PHIP: variants seen among roughly 807,000 people sequenced by gnomAD.
The protein encoded by PHIP is PH-interacting protein.
In PHIP, 54 loss-of-function variants were observed where a neutral mutation model predicts 236.8. The observed-to-expected ratio is 0.23, with a 90% CI of 0.18 to 0.29. The LOEUF (loss-of-function observed/expected upper bound fraction) is 0.29, where lower values mean the gene tolerates loss of function less well. PHIP is among the 10% of genes least tolerant of loss of function. PHIP has a pLI of 1.00. For synonymous variants in PHIP, 756 were observed against 718.9 expected, an observed-to-expected ratio of 1.05 and a Z score of -0.83; for missense variants, 1,370 against 2,190.8, an observed-to-expected ratio of 0.63 and a Z score of 7.48.
chr6:78,993,059 C>T (rs913573435), intron 19 of PHIP, among the ~76,000 whole-genome samples: 6 of 152,156 alleles, frequency 3.9e-5, no homozygotes, highest in Admixed American at 6.5e-5. Context: ...GGCTTGTTGC[C>T]GATACAGAAA....
intron 21 of PHIP, among the ~76,000 whole-genome samples, chr6:78,987,145 CTTG>C (rs1220834314): frequency 7.2e-5 from 11 of 152,146 alleles, no homozygotes; most frequent in East Asian, 1.9e-4. Flanking sequence ...ACTTGAAGGA[CTTG>C]TTGTAACAGA....
At chr6:78,979,337 C>A (rs546701521) in intron 23 of PHIP, among the ~76,000 whole-genome samples, 1 of 152,130 alleles carries the variant, frequency 6.6e-6, no homozygotes, top group East Asian at 1.9e-4. Flanking sequence ...CCCCACAAAC[C>A]CCAAAGTACA....
At chr6:79,016,740 C>T in intron 12 of PHIP, 98 bp from the exon 13 acceptor site, 1 of 704,606 alleles carries the variant, frequency 1.4e-6, no homozygotes, top group Non-Finnish European at 2.4e-6. Context: ...CAGCATTCAT[C>T]TTTATTTATG....
intron 23 of PHIP, among the ~76,000 whole-genome samples, chr6:78,980,518 T>G (rs988855938): frequency 7.2e-5 from 11 of 152,040 alleles, no homozygotes; most frequent in African/African-American, 1.7e-4. Flanking sequence ...TATAAACAAC[T>G]AAGAGAGTCG....
In PHIP at chr6:78,935,487, T is replaced by C. The variant is rs984805999; in HGVS notation, c.*5206A>G. 2.0e-6 allele frequency: 2 copies of C among 978,316 alleles called. No individual in the cohort carries two copies. Among genetic ancestry groups the C allele is most frequent in the African/African-American group, 1.7e-5 (1 of 57,190 alleles). 60.6% of individuals were successfully genotyped at this position (978,316 alleles called of 1,614,324 possible). A position where few individuals can be genotyped will look rare whatever the true frequency, so the allele number is the denominator to read the frequency against. Reference sequence around the variant, plus strand: ...AATTGCACATTTTTGAGAAAATATTTATGCAAAGTGTTCCACTGAAATGTA... The same window carrying C: ...AATTGCACATTTTTGAGAAAATATTCATGCAAAGTGTTCCACTGAAATGTA... On this transcript the variant is annotated 3_prime_UTR_variant, in exon 40 of 40. Transcript: ENST00000275034.
intron 9 of PHIP, among the ~76,000 whole-genome samples, chr6:79,022,862 C>T (rs2127746062): frequency 6.6e-6 from 1 of 152,266 alleles, no homozygotes; most frequent in East Asian, 1.9e-4. Context: ...TCAACTAATG[C>T]AGATGCAGGA....
chr6:78,979,228 AGTT>A (rs1768341087), intron 23 of PHIP, among the ~76,000 whole-genome samples: 1 of 152,080 alleles, frequency 6.6e-6, no homozygotes. Context: ...GTGGCAACAG[AGTT>A]ATTCAATCTC....
At chr6:78,956,233 A>G (rs1487075772) in intron 32 of PHIP, 1 of 152,160 alleles carries the variant, frequency 6.6e-6, no homozygotes, top group African/African-American at 2.4e-5. Context: ...ACAACATATC[A>G]TTCTTACAGT....
intron 16 of PHIP, 112 bp downstream of exon 16, chr6:79,003,618 G>T (rs942733958): frequency 1.3e-5 from 9 of 704,080 alleles, no homozygotes; most frequent in African/African-American, 1.1e-4. Context: ...AAGATTCTTC[G>T]AATTTTATCC....
chr6:79,072,704 C>T (rs1773949382), intron 4 of PHIP, among the ~76,000 whole-genome samples: 1 of 151,884 alleles, frequency 6.6e-6, no homozygotes, highest in African/African-American at 2.4e-5. Flanking sequence ...CCAGGCTGGT[C>T]TCCAACTCAT....
At chr6:79,047,148 A>C (rs1772537425) in intron 6 of PHIP, among the ~76,000 whole-genome samples, 2 of 152,198 alleles carry the variant, frequency 1.3e-5, no homozygotes, top group South Asian at 4.1e-4. Context: ...ATTTGCAGCA[A>C]ATCATTCAGA....
intron 7 of PHIP, among the ~76,000 whole-genome samples, chr6:79,040,977 A>G (rs1772181644): frequency 6.6e-6 from 1 of 152,168 alleles, no homozygotes; most frequent in South Asian, 2.1e-4. Context: ...AATAACCAAC[A>G]AGCAGCTTCC....
At chr6:79,064,366 C>T (rs563780164) in intron 4 of PHIP, among the ~76,000 whole-genome samples, 1 of 152,240 alleles carries the variant, frequency 6.6e-6, no homozygotes. Context: ...TCCTGGCTAC[C>T]CCTTTCCCGT....
chr6:79,066,306 T>C (rs939215860), intron 4 of PHIP, among the ~76,000 whole-genome samples: 1 of 152,170 alleles, frequency 6.6e-6, no homozygotes, highest in Non-Finnish European at 1.5e-5. Flanking sequence ...GGCCCTATGG[T>C]AAGTGTGGTA....
intron 23 of PHIP, among the ~76,000 whole-genome samples, chr6:78,980,766 C>T (rs1305190282): frequency 2.6e-5 from 4 of 151,946 alleles, no homozygotes; most frequent in African/African-American, 9.7e-5. Flanking sequence ...GTTTTGTATA[C>T]TGAGGAGCTA....
At position 78,985,437 on chromosome 6, in the gene PHIP, T is replaced by C. The variant is rs1768802314; in HGVS notation, c.2461-9A>G. The stretch of plus-strand genomic sequence containing the variant: ...GCAACTACTTCGCCTTCCTAAGATA[T>C]GTTGAATACATGTCTTATTGCATAA... On this transcript the variant is annotated splice_polypyrimidine_tract_variant and intron_variant, in intron 21 of 39. Coordinates refer to ENST00000275034, the MANE Select transcript of PHIP (RefSeq NM_017934.7). 3 of 1,415,420 alleles carry C rather than the reference T, an allele frequency of 2.1e-6. No individual in the cohort carries two copies. Among genetic ancestry groups the C allele is most frequent in the South Asian group, 1.2e-5 (1 of 86,318 alleles). The allele number at this position is 1,415,420 out of a possible 1,614,324, so 87.7% of individuals were successfully genotyped here.
At chr6:78,985,466 T>G (rs780514815) in intron 21 of PHIP, 38 bp from the exon 22 acceptor site, 2 of 969,768 alleles carry the variant, frequency 2.1e-6, no homozygotes, top group Non-Finnish European at 3.4e-6. Flanking sequence ...TGCATAATTT[T>G]ATAAAATAAC....
At chr6:79,051,918 T>C (rs556957601) in intron 6 of PHIP, among the ~76,000 whole-genome samples, 2 of 149,726 alleles carry the variant, frequency 1.3e-5, no homozygotes, top group African/African-American at 4.9e-5. Flanking sequence ...TTAAGTTAGG[T>C]GGTTTTTTTT....
At chr6:79,077,531 A>AGCCCGGC (rs1288019860) in intron 3 of PHIP, 24 bp from the exon 4 acceptor site, 2 of 1,481,648 alleles carry the variant, frequency 1.3e-6, no homozygotes, top group African/African-American at 2.9e-5. Flanking sequence ...ACACCCCGTG[A>AGCCCGGC]GCCCGGCCCC....
Sources: allele counts gnomAD v4.1 joint callset (sites outside exome capture counted in the v4.1 genomes callset), GRCh38; gene constraint gnomAD v4.1.1; transcripts MANE v1.5; gene names NCBI Gene and HGNC (gene_info 2026-07-23, HGNC 2026-07-21).